BTNL2: variants seen among roughly 807,000 people sequenced by gnomAD.
BTNL2 encodes butyrophilin-like protein 2.
In BTNL2, 46 loss-of-function variants were observed where a neutral mutation model predicts 46.8. That is an observed-to-expected ratio of 0.98 (90% CI 0.78 to 1.26). BTNL2 has a LOEUF of 1.26. Ranked by LOEUF, BTNL2 falls within the 50% of genes most tolerant of loss-of-function variation. The pLI is 0.00. For synonymous variants in BTNL2, 226 were observed against 229.1 expected (o/e 0.99, Z 0.12); for missense variants, 461 against 592.6 (o/e 0.78, Z 2.31).
intron 1 of BTNL2, chr6:32,406,692 T>C (rs1274468025): frequency 6.1e-6 from 1 of 162,806 alleles, no homozygotes; most frequent in Admixed American, 6.3e-5. Context: ...GACCCCAAAG[T>C]ACTAGAGTGA....
chr6:32,398,305 A>G (rs1006274287), intron 4 of BTNL2, among the ~76,000 whole-genome samples: 1 of 152,228 alleles, frequency 6.6e-6, no homozygotes, highest in Non-Finnish European at 1.5e-5. Context: ...TTAACATCCC[A>G]TTATGTCATT....
chr6:32,395,574 G>A (rs117142044), intron 5 of BTNL2, among the ~76,000 whole-genome samples: 1,839 of 152,292 alleles, frequency 0.012, 69 homozygotes, highest in East Asian at 0.11. Context: ...CACACGGACA[G>A]TGGGAAATGA....
chr6:32,394,602 C>A lies in BTNL2; in HGVS notation c.1360+142G>T. 3.1e-6 allele frequency: 3 copies of A among 983,172 alleles called. No homozygotes were observed. The highest frequency in any genetic ancestry group is 4.4e-6 in the Non-Finnish European group (3 of 686,316). 60.9% of individuals were successfully genotyped at this position (983,172 alleles called of 1,614,324 possible). The stretch of plus-strand genomic sequence containing the variant: ...TAGAATCCCTGGGTGTCCTGAAAAC[C>A]AGCTTTGCAGAGGATAGCAGGAGAC... On this transcript the variant is annotated intron_variant, in intron 6 of 7. Transcript: ENST00000454136. This position sits in a 1 kb window ranked among gnomAD's most constrained non-coding sequence, Gnocchi z 4.6.
rs1776796835 is a variant in BTNL2, at chr6:32,401,767, C to A, written c.730+18G>T. Reference sequence around the variant, plus strand: ...CAGAGGCTCCCTCCACAGGTGTGTGCCAGCACCTCGTACTTACCCAGCTCA... The same window carrying A: ...CAGAGGCTCCCTCCACAGGTGTGTGACAGCACCTCGTACTTACCCAGCTCA... On this transcript the variant is annotated intron_variant, in intron 4 of 7. Transcript: ENST00000454136. The A allele has an allele frequency of 6.2e-7, 1 of 1,610,552 alleles. No homozygotes were observed. Among genetic ancestry groups the A allele is most frequent in the East Asian group, 2.2e-5 (1 of 44,756 alleles).
Position 32,394,875 on chromosome 6 carries a change from G to T in BTNL2, c.1229C>A (p.Thr410Asn). The T allele has an allele frequency of 6.2e-7, 1 of 1,614,264 alleles. No homozygotes were observed. The highest frequency in any genetic ancestry group is 8.5e-7 in the Non-Finnish European group (1 of 1,180,048). Residue 410 changes from threonine to asparagine, a missense_variant, in exon 6 of 8, where the codon ACT (threonine) becomes AAT (asparagine). By Grantham distance (65) the Thr-to-Asn change is moderately conservative (BLOSUM62 0). Coordinates refer to ENST00000454136, the MANE Select transcript of BTNL2 (RefSeq NM_001304561.2). This position sits in a 1 kb window ranked among gnomAD's most constrained non-coding sequence, Gnocchi z 4.6. ...GTGGAACAGCCCGTGGCTGCCTTGAGTCAGGGCCTGGGAAGATGATGGTAT... is the reference window on the plus strand; with the variant it reads ...GTGGAACAGCCCGTGGCTGCCTTGATTCAGGGCCTGGGAAGATGATGGTAT... ...KTIPSSSQAL[T>N]QGSHGLFHVQ...
At chr6:32,401,428 T>C (rs1316137384) in intron 4 of BTNL2, among the ~76,000 whole-genome samples, 1 of 151,822 alleles carries the variant, frequency 6.6e-6, no homozygotes, top group Non-Finnish European at 1.5e-5. Context: ...ACTTGAAATG[T>C]TTTCAAAGGG....
intron 1 of BTNL2, chr6:32,406,659 G>A (rs1426967757): frequency 1.3e-5 from 2 of 154,756 alleles, no homozygotes; most frequent in African/African-American, 4.8e-5. Flanking sequence ...CTTAATTTAT[G>A]ATAAGAAGCA....
Position 32,394,743 on chromosome 6 carries a change from C to A in BTNL2, c.1360+1G>T. On this transcript the variant is annotated splice_donor_variant, in intron 6 of 7. Coordinates refer to ENST00000454136, the MANE Select transcript of BTNL2 (RefSeq NM_001304561.2). LOFTEE classifies it high-confidence loss of function. The surrounding 1 kb of genome is among the most constrained non-coding windows in gnomAD (Gnocchi z 4.6). Reference sequence around the variant, plus strand: ...CTGAAGGAACATAAGGAATCACCAACCTGAGAGAGAAAAAGTTGCGATTTT... The same window carrying A: ...CTGAAGGAACATAAGGAATCACCAAACTGAGAGAGAAAAAGTTGCGATTTT... 2 of 1,610,920 alleles carry A rather than the reference C, an allele frequency of 1.2e-6. No homozygotes were observed. The highest frequency in any genetic ancestry group is 1.7e-6 in the Non-Finnish European group (2 of 1,177,594).
chr6:32,404,810 C>T, intron 2 of BTNL2, 129 bp downstream of exon 2: 1 of 852,346 alleles, frequency 1.2e-6, no homozygotes, highest in East Asian at 2.5e-5. Flanking sequence ...TTAAATCAAT[C>T]AGGGTAGAGG....
At chr6:32,397,369 CTCTGTACCTCACTTCTGTTT>C (rs1474401514) in intron 4 of BTNL2, among the ~76,000 whole-genome samples, 1 of 151,906 alleles carries the variant, frequency 6.6e-6, no homozygotes, top group South Asian at 2.1e-4. Context: ...ATAGAGCTGT[CTCTGTACCTCACTTCTGTTT>C]TCTGTACCTC....
At chr6:32,404,645 C>G (rs73400877) in intron 2 of BTNL2, among the ~76,000 whole-genome samples, 15,889 of 152,172 alleles carry the variant, frequency 0.1, 967 homozygotes, top group East Asian at 0.2. Flanking sequence ...CTCTTGCGCA[C>G]CAGCCTTAGG....
At chr6:32,401,576 G>A (rs1776787414) in intron 4 of BTNL2, among the ~76,000 whole-genome samples, 1 of 152,160 alleles carries the variant, frequency 6.6e-6, no homozygotes, top group South Asian at 2.1e-4. Flanking sequence ...ATCTCCATGA[G>A]CCCCCAAAGT....
At chr6:32,405,805 C>CTGTTTT (rs1554225952) in intron 1 of BTNL2, among the ~76,000 whole-genome samples, 3 of 79,436 alleles carry the variant, frequency 3.8e-5, no homozygotes, top group African/African-American at 1.6e-4. Context: ...GATATAAAAA[C>CTGTTTT]TGTTTTTTTT....
At position 32,396,454 on chromosome 6, in the gene BTNL2, AC is replaced by A; in HGVS notation, c.731-69del. 1 of 1,426,782 alleles carries A rather than the reference AC, an allele frequency of 7.0e-7. No individual in the cohort carries two copies. The highest frequency in any genetic ancestry group is 1.2e-5 in the South Asian group (1 of 82,034). 88.4% of individuals were successfully genotyped at this position (1,426,782 alleles called of 1,614,324 possible). On this transcript the variant is annotated intron_variant, in intron 4 of 7. Transcript: ENST00000454136. This position sits in a 1 kb window ranked among gnomAD's most constrained non-coding sequence, Gnocchi z 4.4. The stretch of plus-strand genomic sequence containing the variant: ...GGAACCAATAATGTCATCTCTAAGA[AC>A]AGCTCCATTGGAGTTTAGAAACCAT...
At chr6:32,400,745 T>TAAAAATACAGAAA (rs9281774) in intron 4 of BTNL2, among the ~76,000 whole-genome samples, 1 of 82,144 alleles carries the variant, frequency 1.2e-5, no homozygotes, top group Non-Finnish European at 2.6e-5. Context: ...CCGTCTCTAC[T>TAAAAATACAGAAA]AAAAAAAAAA....
chr6:32,404,255 A>G (rs73400865), intron 2 of BTNL2, among the ~76,000 whole-genome samples: 15,873 of 152,134 alleles, frequency 0.1, 961 homozygotes, highest in East Asian at 0.2. Context: ...GAGCATGGAG[A>G]AGTTAGCCCT....
intron 2 of BTNL2, among the ~76,000 whole-genome samples, chr6:32,404,209 T>C (rs1290763800): frequency 6.6e-6 from 1 of 152,210 alleles, no homozygotes; most frequent in East Asian, 1.9e-4. Context: ...TTTCCCCATT[T>C]GCCTTAGTAA....
Position 32,394,178 on chromosome 6 carries a change from C to A in BTNL2, c.1361-121G>T. 2.9e-6 allele frequency: 4 copies of A among 1,374,006 alleles called. No individual in the cohort carries two copies. The highest frequency in any genetic ancestry group is 3.9e-6 in the Non-Finnish European group (4 of 1,023,250). 85.1% of individuals were successfully genotyped at this position (1,374,006 alleles called of 1,614,324 possible). A position where few individuals can be genotyped will look rare whatever the true frequency, so the allele number is the denominator to read the frequency against. ...GGAGAGAATTTGGCCTCCCAGGAAG[C>A]AGTTGGCCTGCTCCTCCCTGCTCTG... is the stretch of plus-strand genomic sequence containing the variant. On this transcript the variant is annotated intron_variant, in intron 6 of 7. Transcript: ENST00000454136. The surrounding 1 kb of genome is among the most constrained non-coding windows in gnomAD (Gnocchi z 4.6).
At chr6:32,400,120 G>A (rs117884404) in intron 4 of BTNL2, among the ~76,000 whole-genome samples, 2,663 of 152,226 alleles carry the variant, frequency 0.017, 77 homozygotes, top group East Asian at 0.11. Flanking sequence ...CCCAAACACT[G>A]GCTTTACTTC....
Sources: gnomAD v4.1 joint callset for allele counts (sites outside exome capture counted in the v4.1 genomes callset) on GRCh38, gnomAD v4.1.1 for gene constraint, Gnocchi (gnomAD v3.1) non-coding constraint, MANE v1.5 for transcripts, NCBI Gene and HGNC (gene_info 2026-07-23, HGNC 2026-07-21) for gene names.